FAAH2: variants seen among roughly 807,000 people sequenced by gnomAD.
The protein encoded by FAAH2 is fatty-acid amide hydrolase 2.
Under a neutral mutation model 36.9 loss-of-function variants are expected in FAAH2, and 60 were observed. The observed-to-expected ratio is 1.63, with a 90% CI of 1.32 to 2.02. The LOEUF is 2.02. Ranked by LOEUF, FAAH2 falls within the 30% of genes most tolerant of loss-of-function variation. The pLI is 0.00. For missense variants in FAAH2, 689 were observed against 397.5 expected, an observed-to-expected ratio of 1.73 and a Z score of -6.23; for synonymous variants, 214 against 143.8, an observed-to-expected ratio of 1.49 and a Z score of -3.49.
At chrX:57,187,372 T>A in the FAAH2 span, among the ~76,000 whole-genome samples, 1 of 110,651 alleles carries the variant, frequency 9.0e-6, no homozygotes, top group Admixed American at 9.7e-5. Flanking sequence ...TGCTTGTCTA[T>A]TATTGGTGTA....
intron 2 of FAAH2, among the ~76,000 whole-genome samples, chrX:57,299,139 G>A (rs2052246371): frequency 9.0e-6 from 1 of 111,402 alleles, no homozygotes; most frequent in South Asian, 3.8e-4. Context: ...AAGCCTGACA[G>A]AGACACAACA....
the FAAH2 span, among the ~76,000 whole-genome samples, chrX:57,219,712 G>A: frequency 9.2e-6 from 1 of 108,471 alleles, no homozygotes; most frequent in Non-Finnish European, 1.9e-5. Context: ...GTCCAGGATG[G>A]CCTCCTTTTC....
At chrX:57,395,750 G>T (rs5914098) in intron 7 of FAAH2, among the ~76,000 whole-genome samples, 59,982 of 110,670 alleles carry the variant, frequency 0.54, 14,262 homozygotes, top group Non-Finnish European at 0.74. Context: ...GTTTAAATTT[G>T]CTAATATTTT....
chrX:57,223,169 G>A, the FAAH2 span, among the ~76,000 whole-genome samples: 3 of 112,081 alleles, frequency 2.7e-5, no homozygotes, highest in African/African-American at 9.7e-5. Context: ...CAAGCTGCCA[G>A]GCTTCTACAG....
At chrX:57,131,361 A>C in the FAAH2 span, among the ~76,000 whole-genome samples, 5 of 111,169 alleles carry the variant, frequency 4.5e-5, no homozygotes, top group African/African-American at 1.6e-4. Flanking sequence ...CTGGGATTAC[A>C]GGCGTGAGCC....
the FAAH2 span, among the ~76,000 whole-genome samples, chrX:57,240,927 C>T: frequency 8.9e-6 from 1 of 112,234 alleles, no homozygotes; most frequent in African/African-American, 3.2e-5. Flanking sequence ...GGCAACATAA[C>T]CCTATTCTGT....
At chrX:57,351,166 C>T (rs2053989234) in intron 5 of FAAH2, among the ~76,000 whole-genome samples, 1 of 110,948 alleles carries the variant, frequency 9.0e-6, no homozygotes. Flanking sequence ...TGGAACACTA[C>T]TAGAAATTAA....
chrX:57,235,410 A>C, the FAAH2 span, among the ~76,000 whole-genome samples: 1 of 112,069 alleles, frequency 8.9e-6, no homozygotes, highest in South Asian at 3.7e-4. Flanking sequence ...TTGTTGCTAC[A>C]AAAAGTCCTT....
At chrX:57,245,907 A>C in the FAAH2 span, among the ~76,000 whole-genome samples, 1 of 111,922 alleles carries the variant, frequency 8.9e-6, no homozygotes, top group Non-Finnish European at 1.9e-5. Flanking sequence ...AGAGACATGA[A>C]GAACCCTTTG....
rs1444115530 is a variant in FAAH2 at position 57,414,826 on chromosome X, A to G, written c.997-17092A>G. Among the ~76,000 whole-genome samples, 3 of 98,263 alleles carry G rather than the reference A, an allele frequency of 3.1e-5. No individual in the cohort carries two copies. The East Asian group carries it at 9.4e-4, about 31-fold the overall frequency. 85.3% of individuals were successfully genotyped at this position (98,263 alleles called of 115,157 possible). A position where few individuals can be genotyped will look rare whatever the true frequency, so the allele number is the denominator to read the frequency against. ...CTCCTTGTACCTCTGGTAGAATTTG[A>G]CTGTAAATTCATCTTGTCCTGGGCT... On this transcript the variant is annotated intron_variant, in intron 7 of 10. Transcript: ENST00000374900.
At chrX:57,338,161 A>G (rs1356396423) in intron 4 of FAAH2, among the ~76,000 whole-genome samples, 3 of 111,357 alleles carry the variant, frequency 2.7e-5, no homozygotes, top group Admixed American at 1.9e-4. Context: ...CTGAAAAGAG[A>G]GTCAGCAAAG....
At chrX:57,125,682 A>G in the FAAH2 span, among the ~76,000 whole-genome samples, 1 of 111,802 alleles carries the variant, frequency 8.9e-6, no homozygotes. Context: ...CTTTTTTACT[A>G]TATTTGTTCA....
At chrX:57,283,954 G>A (rs1215116101), upstream of FAAH2, among the ~76,000 whole-genome samples, 1 of 111,935 alleles carries the variant, frequency 8.9e-6, no homozygotes, top group East Asian at 2.8e-4. Flanking sequence ...CGGAGGTGGG[G>A]ACACACGTGA....
At chrX:57,382,800 G>T (rs1015329917) in intron 7 of FAAH2, among the ~76,000 whole-genome samples, 2 of 111,453 alleles carry the variant, frequency 1.8e-5, no homozygotes, top group Non-Finnish European at 1.9e-5. Flanking sequence ...AATAGAAAAA[G>T]AGGGAATCCT....
intron 5 of FAAH2, among the ~76,000 whole-genome samples, chrX:57,362,461 C>T (rs1005486758): frequency 1.8e-5 from 2 of 111,321 alleles, no homozygotes; most frequent in African/African-American, 6.5e-5. Context: ...TGTAACAAAC[C>T]TGCATGTTCT....
At chrX:57,265,644 C>G in the FAAH2 span, among the ~76,000 whole-genome samples, 2 of 112,072 alleles carry the variant, frequency 1.8e-5, no homozygotes, top group Middle Eastern at 4.6e-3. Context: ...CCAACCAAGG[C>G]CTGCAGCCCC....
the FAAH2 span, among the ~76,000 whole-genome samples, chrX:57,162,323 CT>C: frequency 9.0e-6 from 1 of 111,366 alleles, no homozygotes; most frequent in Non-Finnish European, 1.9e-5. Context: ...TTTGGTGAAT[CT>C]GACAATTATG....
intron 8 of FAAH2, among the ~76,000 whole-genome samples, chrX:57,440,233 G>T (rs1182353355): frequency 2.7e-5 from 3 of 111,652 alleles, no homozygotes; most frequent in Admixed American, 1.9e-4. Context: ...CTATCCATGA[G>T]CATGGAATCT....
Position 57,431,980 on chromosome X carries a change from G to A in FAAH2, c.1059G>A (p.Met353Ile), listed in dbSNP as rs145812437. ...ASVQHVKLKK[M>I]KYSFQLWIAM... is the part of the protein sequence containing the mutation. Reference sequence around the variant, plus strand: ...TTCAACATGTTAAACTGAAGAAAATGAAGTACTCTTTTCAGTTGTGGATCG... The same window carrying A: ...TTCAACATGTTAAACTGAAGAAAATAAAGTACTCTTTTCAGTTGTGGATCG... The change falls in exon 8 of 11, where the codon ATG (methionine) becomes ATA (isoleucine). Residue 353 changes from methionine (M) to isoleucine (I), a missense_variant. Physicochemically the swap from Met to Ile is conservative, Grantham distance 10. Transcript: ENST00000374900. 5 of 1,203,943 alleles carry A rather than the reference G, an allele frequency of 4.2e-6. No individual in the cohort carries two copies. The African/African-American group carries it at 8.9e-5, about 21-fold the overall frequency.
Sources: gnomAD v4.1 joint callset for allele counts (sites outside exome capture counted in the v4.1 genomes callset) on GRCh38, gnomAD v4.1.1 for gene constraint, MANE v1.5 for transcripts, NCBI Gene and HGNC (gene_info 2026-07-23, HGNC 2026-07-21) for gene names.